SRP54: variants seen among roughly 807,000 people sequenced by gnomAD.
SRP54 encodes the protein signal recognition particle subunit SRP54.
A neutral mutation model predicts 64.8 loss-of-function variants in SRP54; 10 were observed. That is an observed-to-expected ratio of 0.15 (90% CI 0.10 to 0.26). The LOEUF is 0.26. Ranked by LOEUF, SRP54 falls within the 10% of genes least tolerant of loss-of-function variation. The pLI, the probability that SRP54 is intolerant of heterozygous loss-of-function variation, is 1.00. For synonymous variants in SRP54, 193 were observed against 185.6 expected, an observed-to-expected ratio of 1.04 and a Z score of -0.32; for missense variants, 325 against 613.7, an observed-to-expected ratio of 0.53 and a Z score of 4.97.
intron 9 of SRP54, 62 bp from the exon 10 acceptor site, chr14:35,013,740 A>C: frequency 7.0e-7 from 1 of 1,436,296 alleles, no homozygotes; most frequent in Non-Finnish European, 9.6e-7. Flanking sequence ...TTCGAATTTC[A>C]GATCTGCTGG....
intron 2 of SRP54, 189 bp downstream of exon 2, chr14:34,996,976 A>G (rs1012749243): frequency 1.7e-5 from 7 of 413,716 alleles, no homozygotes; most frequent in Non-Finnish European, 3.0e-5. Context: ...AATTTACTTC[A>G]ACTTTCTATA....
chr14:35,008,371 T>G (rs1376368050), intron 5 of SRP54, among the ~76,000 whole-genome samples: 1 of 152,214 alleles, frequency 6.6e-6, no homozygotes, highest in African/African-American at 2.4e-5. Flanking sequence ...TTAATTAACA[T>G]TAATAGTAGT....
intron 13 of SRP54, 79 bp from the exon 14 acceptor site, chr14:35,022,831 T>C: frequency 8.4e-7 from 1 of 1,194,908 alleles, no homozygotes. Flanking sequence ...CTCTTTGAAG[T>C]TATATATTGC....
chr14:35,018,759 G>C lies in SRP54; in HGVS notation c.1041G>C (p.Gln347His). ...QNIMKMGPFS[Q>H]ILGMIPGFGT... Reference sequence around the variant, plus strand: ...TCATGAAAATGGGCCCCTTCAGTCAGATCTTGGTTAGTTATCCTTAAAACT... The same window carrying C: ...TCATGAAAATGGGCCCCTTCAGTCACATCTTGGTTAGTTATCCTTAAAACT... Residue 347 changes from glutamine (Q) to histidine (H), a missense_variant, in exon 12 of 16, where the codon CAG becomes CAC. Physicochemically the swap from Gln to His is conservative, Grantham distance 24. Around this residue, in one of 3 missense-constraint regions of SRP54, gnomAD observed 146 missense variants for 337.4 expected, o/e 0.43. Transcript: ENST00000216774. 6.2e-7 allele frequency: 1 copy of C among 1,612,840 alleles called. No homozygotes were observed. The highest frequency in any genetic ancestry group is 8.5e-7 in the Non-Finnish European group (1 of 1,179,600).
intron 1 of SRP54, among the ~76,000 whole-genome samples, chr14:34,987,180 G>A (rs528702203): frequency 1.6e-4 from 23 of 148,170 alleles, no homozygotes; most frequent in Admixed American, 1.3e-3. Flanking sequence ...GCAGTGAGCC[G>A]AGATCTTGCC....
intron 14 of SRP54, among the ~76,000 whole-genome samples, chr14:35,023,886 T>C (rs916069378): frequency 6.6e-6 from 1 of 152,090 alleles, no homozygotes. Flanking sequence ...GCCACTTTTT[T>C]GGACAGTAAG....
At chr14:35,001,658 CAT>C (rs1260654871) in intron 4 of SRP54, among the ~76,000 whole-genome samples, 1 of 152,132 alleles carries the variant, frequency 6.6e-6, no homozygotes. Context: ...GGCAAAGTCA[CAT>C]ATAGCAAGTA....
chr14:35,014,994 C>G (rs1038182206), intron 11 of SRP54, among the ~76,000 whole-genome samples, 164 bp downstream of exon 11: 1 of 152,036 alleles, frequency 6.6e-6, no homozygotes. Context: ...TCTCAGGTAC[C>G]TGAGCAGTTA....
rs1306928465 is a variant in SRP54 at position 34,982,993 on chromosome 14, T to C, written c.-256T>C. The C allele has an allele frequency of 6.6e-6, 1 of 152,260 alleles. No individual in the cohort carries two copies. The highest frequency in any genetic ancestry group is 1.5e-5 in the Non-Finnish European group (1 of 68,078). The allele number at this position is 152,260 out of a possible 1,614,324, so 9.4% of individuals were successfully genotyped here. On this transcript the variant is annotated 5_prime_UTR_variant, in exon 1 of 16. Coordinates refer to ENST00000216774, the MANE Select transcript of SRP54 (RefSeq NM_003136.4). ...TACGCGGAGTGGTGACGTTTCCTCATTGGGCGGAAGGTTCGCTGGCACTCC... is the reference window on the plus strand; with the variant it reads ...TACGCGGAGTGGTGACGTTTCCTCACTGGGCGGAAGGTTCGCTGGCACTCC...
intron 1 of SRP54, among the ~76,000 whole-genome samples, chr14:34,994,633 A>G (rs569824678): frequency 3.9e-5 from 6 of 151,910 alleles, no homozygotes; most frequent in South Asian, 4.2e-4. Context: ...CTCTCTCTCC[A>G]TTTCTGCTTA....
chr14:34,997,633 T>C (rs192358078), intron 2 of SRP54, among the ~76,000 whole-genome samples: 1 of 152,304 alleles, frequency 6.6e-6, no homozygotes, highest in African/African-American at 2.4e-5. Context: ...TACGTAGAAT[T>C]CTTACATGGA....
At chr14:34,991,994 C>A (rs1316313614) in intron 1 of SRP54, among the ~76,000 whole-genome samples, 1 of 152,196 alleles carries the variant, frequency 6.6e-6, no homozygotes, top group Non-Finnish European at 1.5e-5. Flanking sequence ...AGTGCAGTGG[C>A]ACCATCTCGG....
chr14:35,017,219 G>A (rs375257604), intron 11 of SRP54, among the ~76,000 whole-genome samples: 3 of 152,132 alleles, frequency 2.0e-5, no homozygotes, highest in South Asian at 2.1e-4. Flanking sequence ...GAAGCTGGGT[G>A]TATATTCCTA....
In SRP54 at chr14:35,013,348, A is replaced by C. The variant is rs774984145; in HGVS notation, c.639A>C (p.Gln213His). The C allele has an allele frequency of 3.1e-6, 5 of 1,612,192 alleles. No homozygotes were observed. The African/African-American group carries it at 6.7e-5, about 22-fold the overall frequency. Residue 213 changes from glutamine (Q) to histidine (H), a missense_variant and splice_region_variant, in exon 9 of 16, where the codon CAA (glutamine) becomes CAC (histidine). Physicochemically the swap from Gln to His is conservative, Grantham distance 24 (BLOSUM62 0). Around this residue, in one of 3 missense-constraint regions of SRP54, gnomAD observed 156 missense variants for 254.6 expected, o/e 0.61. Coordinates refer to ENST00000216774, the MANE Select transcript of SRP54 (RefSeq NM_003136.4). ...EEMLQVANAI[Q>H]PDNIVYVMDA... ...TCTTTTCTATTTAAACTTTCTAGCA[A>C]CCTGATAACATTGTTTATGTGATGG...
intron 1 of SRP54, among the ~76,000 whole-genome samples, chr14:34,991,371 C>T (rs1469661527): frequency 1.3e-5 from 2 of 151,710 alleles, no homozygotes; most frequent in Non-Finnish European, 2.9e-5. Context: ...CTCAGGCAAT[C>T]CACTCACCTC....
intron 1 of SRP54, among the ~76,000 whole-genome samples, chr14:34,995,134 G>GGTGTGT (rs35829734): frequency 0.033 from 2,297 of 69,992 alleles, 46 homozygotes; most frequent in East Asian, 0.053. Flanking sequence ...ATCAATAAAG[G>GGTGTGT]GTGTGTGTGT....
At chr14:35,014,290 T>TTTTTTTTTGTTTTGTTTTG (rs376712278) in intron 10 of SRP54, among the ~76,000 whole-genome samples, 6 of 127,350 alleles carry the variant, frequency 4.7e-5, no homozygotes, top group Middle Eastern at 4.2e-3. Context: ...TTTTTTTTTT[T>TTTTTTTTTGTTTTGTTTTG]TTTTGAGACG....
chr14:34,988,578 A>AAATATATAT lies in SRP54; in HGVS notation c.-34+5364_-34+5365insATATATATA, dbSNP rs1384552218. On this transcript the variant is annotated intron_variant, in intron 1 of 15. Coordinates refer to ENST00000216774, the MANE Select transcript of SRP54 (RefSeq NM_003136.4). ...TCCATCTCAAAAAAAAAAAAAAAAA[A>AAATATATAT]ATATATATATATATATAACATATAT... Among the ~76,000 whole-genome samples, 75 of 47,092 alleles carry AAATATATAT rather than the reference A, an allele frequency of 1.6e-3. 4 individuals carry two copies. Among genetic ancestry groups the AAATATATAT allele is most frequent in the Non-Finnish European group, 2.1e-3 (44 of 20,860 alleles). 30.9% of individuals were successfully genotyped at this position (47,092 alleles called of 152,430 possible).
At chr14:35,018,555 A>G in intron 11 of SRP54, 137 bp from the exon 12 acceptor site, 1 of 679,804 alleles carries the variant, frequency 1.5e-6, no homozygotes. Context: ...GCACATGGTA[A>G]CTGCTTGGTG....
Sources: allele counts gnomAD v4.1 joint callset (sites outside exome capture counted in the v4.1 genomes callset), GRCh38; gene constraint gnomAD v4.1.1; regional missense constraint gnomAD v4.1.1; transcripts MANE v1.5; gene names NCBI Gene and HGNC (gene_info 2026-07-23, HGNC 2026-07-21).